The following CSMD1 variants were observed in gnomAD, a reference collection of about 807,000 sequenced individuals.
The protein encoded by CSMD1 is CUB and Sushi multiple domains 1.
In CSMD1, 213 loss-of-function variants were observed where a neutral mutation model predicts 417.5. The observed-to-expected ratio is 0.51, with a 90% CI of 0.46 to 0.57. CSMD1 has a LOEUF of 0.57. CSMD1 is among the 20% of genes least tolerant of loss of function. The pLI is 0.00. For synonymous variants in CSMD1, 2,862 were observed against 1,736.8 expected, an observed-to-expected ratio of 1.65 and a Z score of -16.11; for missense variants, 6,923 against 4,529.7, an observed-to-expected ratio of 1.53 and a Z score of -15.17.
At position 3,932,711 on chromosome 8, in the gene CSMD1, C is replaced by T. The variant is rs574106638; in HGVS notation, c.818+65192G>A. On this transcript the variant is annotated intron_variant, in intron 5 of 69. Transcript: ENST00000635120. ...AGATCGTAATTCATTGTGGTGGACT[C>T]TAATGTTAATTGATTAGAAAAAATA... Among the ~76,000 whole-genome samples, 6 of 150,398 alleles carry T rather than the reference C, an allele frequency of 4.0e-5. 1 individual carries two copies. Among genetic ancestry groups the T allele is most frequent in the African/African-American group, 1.5e-4 (6 of 40,730 alleles).
chr8:3,452,529 G>A (rs1383910413), intron 12 of CSMD1, among the ~76,000 whole-genome samples: 1 of 152,178 alleles, frequency 6.6e-6, no homozygotes, highest in Non-Finnish European at 1.5e-5. Flanking sequence ...AGCATGAAGT[G>A]TTGTTGAATT....
chr8:4,332,853 C>A (rs1045397579), intron 3 of CSMD1, among the ~76,000 whole-genome samples: 1 of 150,880 alleles, frequency 6.6e-6, no homozygotes, highest in Non-Finnish European at 1.5e-5. Flanking sequence ...TGTTTTTTCC[C>A]AATCATCTAC....
intron 5 of CSMD1, among the ~76,000 whole-genome samples, chr8:3,843,898 T>C (rs1363355286): frequency 7.9e-5 from 12 of 152,184 alleles, no homozygotes; most frequent in Non-Finnish European, 1.6e-4. Context: ...AGTAACGTAA[T>C]TTACACCCAG....
chr8:4,289,266 C>A (rs919415021), intron 3 of CSMD1, among the ~76,000 whole-genome samples: 21 of 152,314 alleles, frequency 1.4e-4, no homozygotes, highest in African/African-American at 4.8e-4. Flanking sequence ...CTGGAAGCCT[C>A]TTTAGGCTAA....
intron 7 of CSMD1, among the ~76,000 whole-genome samples, chr8:3,666,264 G>C (rs567854064): frequency 1.3e-5 from 2 of 152,002 alleles, no homozygotes; most frequent in South Asian, 4.1e-4. Context: ...TTCCTCACAG[G>C]TCTTATCTTT....
intron 17 of CSMD1, among the ~76,000 whole-genome samples, chr8:3,394,210 T>G (rs1322759014): frequency 1.4e-5 from 2 of 146,832 alleles, no homozygotes; most frequent in Non-Finnish European, 3.0e-5. Flanking sequence ...ATTATAAAAA[T>G]AGTTGTCAGG....
At chr8:4,259,938 T>C (rs1049456924) in intron 3 of CSMD1, among the ~76,000 whole-genome samples, 1 of 152,214 alleles carries the variant, frequency 6.6e-6, no homozygotes, top group Non-Finnish European at 1.5e-5. Flanking sequence ...TTATATCCAT[T>C]TTGCTAACAA....
intron 31 of CSMD1, among the ~76,000 whole-genome samples, chr8:3,204,198 T>C (rs1563139800): frequency 6.6e-6 from 1 of 152,204 alleles, no homozygotes; most frequent in Admixed American, 6.5e-5. Flanking sequence ...ATTGGGAAAT[T>C]ATAAACGATA....
intron 52 of CSMD1, among the ~76,000 whole-genome samples, chr8:3,008,151 G>C (rs561276031): frequency 1.3e-5 from 2 of 152,316 alleles, no homozygotes; most frequent in African/African-American, 4.8e-5. Context: ...CAAAGAAATA[G>C]AGTATGTCGC....
chr8:4,716,281 C>T (rs1291208762), intron 1 of CSMD1, among the ~76,000 whole-genome samples: 1 of 152,174 alleles, frequency 6.6e-6, no homozygotes, highest in Admixed American at 6.5e-5. Flanking sequence ...ATCCATCTCC[C>T]TCAACACCCA....
At chr8:3,686,916 T>G (rs1799971251) in intron 7 of CSMD1, among the ~76,000 whole-genome samples, 1 of 152,146 alleles carries the variant, frequency 6.6e-6, no homozygotes. Context: ...GAGGACAGAG[T>G]AGAGCTTTGT....
chr8:4,686,151 C>T (rs1031651174), intron 1 of CSMD1, among the ~76,000 whole-genome samples: 1 of 152,232 alleles, frequency 6.6e-6, no homozygotes, highest in Non-Finnish European at 1.5e-5. Flanking sequence ...CTATTCCCTA[C>T]ACTCAAGAAG....
chr8:3,174,381 G>C (rs1017776813), intron 37 of CSMD1, among the ~76,000 whole-genome samples: 1 of 152,130 alleles, frequency 6.6e-6, no homozygotes, highest in Non-Finnish European at 1.5e-5. Context: ...TTCAGTCCCA[G>C]CTACTCCAAA....
intron 3 of CSMD1, among the ~76,000 whole-genome samples, chr8:4,053,246 G>A (rs954668223): frequency 6.6e-6 from 1 of 152,212 alleles, no homozygotes; most frequent in South Asian, 2.1e-4. Flanking sequence ...TTAGAACTTA[G>A]ACTACCAAGA....
At chr8:4,669,367 G>A (rs932003400) in intron 1 of CSMD1, among the ~76,000 whole-genome samples, 2 of 152,252 alleles carry the variant, frequency 1.3e-5, no homozygotes, top group South Asian at 2.1e-4. Context: ...CGTATTTCTC[G>A]ATGAGATTTT....
intron 25 of CSMD1, among the ~76,000 whole-genome samples, chr8:3,287,426 A>C (rs1803242400): frequency 6.6e-6 from 1 of 152,038 alleles, no homozygotes; most frequent in African/African-American, 2.4e-5. Context: ...GATTCTTCCT[A>C]CCTATGAGCA....
Position 3,470,575 on chromosome 8 carries a change from A to G in CSMD1, c.1449-1751T>C, listed in dbSNP as rs1817028578. 2.0e-5 allele frequency among the ~76,000 whole-genome samples: 3 copies of G among 152,204 alleles called. No individual in the cohort carries two copies. The South Asian group carries it at 6.2e-4, about 32-fold the overall frequency. Reference sequence around the variant, plus strand: ...ATGTAGCTCTGCACAAATACGTCACATGTCTCGGCTCCTGAATCCACCGCC... The same window carrying G: ...ATGTAGCTCTGCACAAATACGTCACGTGTCTCGGCTCCTGAATCCACCGCC... On this transcript the variant is annotated intron_variant, in intron 11 of 69. Transcript: ENST00000635120.
intron 21 of CSMD1, among the ~76,000 whole-genome samples, chr8:3,357,009 A>T (rs1282378720): frequency 6.6e-6 from 1 of 151,472 alleles, no homozygotes; most frequent in Non-Finnish European, 1.5e-5. Flanking sequence ...AGCCAGGGAA[A>T]GCATCAGGGG....
chr8:3,273,923 T>C (rs1424255956), intron 26 of CSMD1, among the ~76,000 whole-genome samples: 1 of 152,112 alleles, frequency 6.6e-6, no homozygotes, highest in Admixed American at 6.5e-5. Flanking sequence ...GTGTCTCTAT[T>C]TCCTTCAGTT....
Sources: allele counts gnomAD v4.1 joint callset (sites outside exome capture counted in the v4.1 genomes callset), GRCh38; gene constraint gnomAD v4.1.1; transcripts MANE v1.5; gene names NCBI Gene and HGNC (gene_info 2026-07-23, HGNC 2026-07-21).